The following AGBL4 variants were observed in gnomAD, a reference collection of about 807,000 sequenced individuals.
AGBL4 encodes the protein cytosolic carboxypeptidase 6.
A neutral mutation model predicts 66.4 loss-of-function variants in AGBL4; 58 were observed. The observed-to-expected ratio is 0.87, with a 90% CI of 0.71 to 1.09. The LOEUF (loss-of-function observed/expected upper bound fraction) is 1.09. Ranked by LOEUF, AGBL4 falls within the 50% of genes least tolerant of loss-of-function variation. The probability of loss-of-function intolerance (pLI) is 0.00; values close to 1 mark genes in which losing one functional copy is unlikely to be tolerated. For synonymous variants in AGBL4, 234 were observed against 222.9 expected, an observed-to-expected ratio of 1.05 and a Z score of -0.44; for missense variants, 579 against 631.0, an observed-to-expected ratio of 0.92 and a Z score of 0.88.
intron 6 of AGBL4, among the ~76,000 whole-genome samples, chr1:48,839,331 A>G (rs1305035907): frequency 1.3e-5 from 2 of 152,176 alleles, no homozygotes. Context: ...GTGCATATAC[A>G]TAAATGTGTG....
At chr1:49,412,916 A>C (rs1031789844) in intron 3 of AGBL4, among the ~76,000 whole-genome samples, 2 of 152,158 alleles carry the variant, frequency 1.3e-5, no homozygotes, top group African/African-American at 4.8e-5. Flanking sequence ...GCAAGATAAG[A>C]AGAAGAGGAG....
At position 49,556,113 on chromosome 1, in the gene AGBL4, A is replaced by T. The variant is rs192760995; in HGVS notation, c.282+141200T>A. ...ATTGCGGCACTACTCACAATAACAA[A>T]GACTTGGAACCAACCCAAATGTCCA... On this transcript the variant is annotated intron_variant, in intron 3 of 13. Coordinates refer to ENST00000371839, the MANE Select transcript of AGBL4 (RefSeq NM_032785.4). Among the ~76,000 whole-genome samples the T allele has an allele frequency of 1.8e-3, 280 of 152,328 alleles. 1 individual carries two copies. The highest frequency in any genetic ancestry group is 6.5e-3 in the African/African-American group (270 of 41,572).
chr1:48,928,813 A>C (rs1654800280), intron 5 of AGBL4, among the ~76,000 whole-genome samples: 1 of 152,230 alleles, frequency 6.6e-6, no homozygotes, highest in African/African-American at 2.4e-5. Context: ...GTGATAATTT[A>C]AATGAAATAA....
intron 3 of AGBL4, among the ~76,000 whole-genome samples, chr1:49,281,909 T>C (rs961208271): frequency 6.6e-6 from 1 of 152,204 alleles, no homozygotes; most frequent in Non-Finnish European, 1.5e-5. Context: ...TGTGAGCTGC[T>C]TTAGCAAATT....
intron 6 of AGBL4, among the ~76,000 whole-genome samples, chr1:48,773,971 A>G (rs1321357358): frequency 4.6e-5 from 7 of 152,264 alleles, no homozygotes; most frequent in Admixed American, 4.6e-4. Flanking sequence ...TACTATGGGC[A>G]GTAAAATGTA....
intron 4 of AGBL4, among the ~76,000 whole-genome samples, chr1:49,130,085 T>C (rs1645857913): frequency 6.6e-6 from 1 of 152,222 alleles, no homozygotes; most frequent in African/African-American, 2.4e-5. Context: ...CATTTTTTCA[T>C]GTGTCTGTTG....
At chr1:49,690,712 G>A (rs1002083908) in intron 3 of AGBL4, among the ~76,000 whole-genome samples, 1 of 152,106 alleles carries the variant, frequency 6.6e-6, no homozygotes, top group Non-Finnish European at 1.5e-5. Flanking sequence ...TTGAATGACA[G>A]AGCAAATGAG....
chr1:49,040,061 G>C (rs982319294), intron 5 of AGBL4, among the ~76,000 whole-genome samples: 1 of 152,016 alleles, frequency 6.6e-6, no homozygotes, highest in Non-Finnish European at 1.5e-5. Flanking sequence ...GCATGGTTTG[G>C]AGGAAAATAT....
intron 3 of AGBL4, among the ~76,000 whole-genome samples, chr1:49,369,070 C>A (rs1020343321): frequency 2.0e-5 from 3 of 152,058 alleles, no homozygotes; most frequent in African/African-American, 7.2e-5. Flanking sequence ...GGCAACAGAG[C>A]AAGACTCTGC....
At position 49,452,643 on chromosome 1, in the gene AGBL4, A is replaced by G. The variant is rs539116621; in HGVS notation, c.283-206779T>C. Reference sequence around the variant, plus strand: ...CATCTACCTGAGATGTTCTGCCCTGATACTCTAATAGACAGAATTAATTGT... The same window carrying G: ...CATCTACCTGAGATGTTCTGCCCTGGTACTCTAATAGACAGAATTAATTGT... On this transcript the variant is annotated intron_variant, in intron 3 of 13. Coordinates refer to ENST00000371839, the MANE Select transcript of AGBL4 (RefSeq NM_032785.4). Among the ~76,000 whole-genome samples, 34 of 151,904 alleles carry G rather than the reference A, an allele frequency of 2.2e-4. No individual in the cohort carries two copies. The South Asian group carries it at 6.0e-3, about 27-fold the overall frequency.
At chr1:49,652,552 C>G (rs1371382518) in intron 3 of AGBL4, among the ~76,000 whole-genome samples, 1 of 152,144 alleles carries the variant, frequency 6.6e-6, no homozygotes, top group African/African-American at 2.4e-5. Context: ...CAGTGAGGCA[C>G]AGCAGGCTGG....
In AGBL4 at chr1:48,587,046, T is replaced by G. The variant is rs372330249; in HGVS notation, c.1225A>C (p.Ile409Leu). The change falls in exon 11 of 14, where the codon ATC becomes CTC. Residue 409 changes from isoleucine to leucine, a missense_variant. Transcript: ENST00000371839. ...GGCACAGCAGCCGTGGTGCCACTGA[T>G]GATGTAGCTGTAGAAGGAGACCTCT... is the stretch of plus-strand genomic sequence containing the variant. ...TLEVSFYSYIISGTTAAVPYT... is the reference protein window; with the variant it reads ...TLEVSFYSYILSGTTAAVPYT... 231 of 1,608,960 alleles carry G rather than the reference T, an allele frequency of 1.4e-4. No individual in the cohort carries two copies. The highest frequency in any genetic ancestry group is 1.8e-4 in the Non-Finnish European group (216 of 1,177,962).
At chr1:48,916,505 T>C (rs1394096165) in intron 5 of AGBL4, among the ~76,000 whole-genome samples, 1 of 152,226 alleles carries the variant, frequency 6.6e-6, no homozygotes, top group Non-Finnish European at 1.5e-5. Flanking sequence ...AATTTGCTTA[T>C]TTCAGTTAAA....
intron 2 of AGBL4, among the ~76,000 whole-genome samples, chr1:49,796,949 TTTG>T (rs1461995421): frequency 1.3e-5 from 2 of 152,064 alleles, no homozygotes; most frequent in East Asian, 3.9e-4. Context: ...ACATTGAAAA[TTTG>T]TTAAAAGACT....
chr1:49,693,996 G>A (rs570405779), intron 3 of AGBL4, among the ~76,000 whole-genome samples: 2 of 152,038 alleles, frequency 1.3e-5, no homozygotes, highest in Non-Finnish European at 2.9e-5. Context: ...TCAGTCCTGG[G>A]ATACAACACC....
At chr1:49,947,557 GC>G (rs1210717408) in intron 1 of AGBL4, among the ~76,000 whole-genome samples, 3 of 151,626 alleles carry the variant, frequency 2.0e-5, no homozygotes, top group Non-Finnish European at 4.4e-5. Flanking sequence ...GTAAAAAAAA[GC>G]CATCTATGAC....
chr1:49,373,014 T>C (rs1026636604), intron 3 of AGBL4, among the ~76,000 whole-genome samples: 1 of 152,068 alleles, frequency 6.6e-6, no homozygotes, highest in African/African-American at 2.4e-5. Flanking sequence ...CTGGGTCACC[T>C]TCCCAAAATG....
At chr1:49,542,080 A>C (rs1461422371) in intron 3 of AGBL4, among the ~76,000 whole-genome samples, 1 of 152,214 alleles carries the variant, frequency 6.6e-6, no homozygotes, top group Non-Finnish European at 1.5e-5. Flanking sequence ...GTTTGTGTCT[A>C]GCTCAGGGAT....
intron 4 of AGBL4, among the ~76,000 whole-genome samples, chr1:49,241,103 CATTAGCT>C (rs1213330620): frequency 6.6e-6 from 1 of 152,078 alleles, no homozygotes; most frequent in Non-Finnish European, 1.5e-5. Context: ...CCCAATCCAT[CATTAGCT>C]GTAGCCTAAG....
Sources: allele counts gnomAD v4.1 joint callset (sites outside exome capture counted in the v4.1 genomes callset), GRCh38; gene constraint gnomAD v4.1.1; transcripts MANE v1.5; gene names NCBI Gene and HGNC (gene_info 2026-07-23, HGNC 2026-07-21).